AFAP1L2: variants seen among roughly 807,000 people sequenced by gnomAD.
AFAP1L2 encodes the protein actin filament-associated protein 1-like 2.
A neutral mutation model predicts 99.3 loss-of-function variants in AFAP1L2; 46 were observed. The observed-to-expected ratio is 0.46, with a 90% CI of 0.37 to 0.59. The LOEUF is 0.59. AFAP1L2 is among the 20% of genes least tolerant of loss of function. AFAP1L2 has a pLI of 0.00. For missense variants in AFAP1L2, 959 were observed against 1,034.9 expected (o/e 0.93, Z 1.01); for synonymous variants, 397 against 419.1 (o/e 0.95, Z 0.64).
chr10:114,342,459 A>G (rs10885555), intron 1 of AFAP1L2, among the ~76,000 whole-genome samples: 107,460 of 152,166 alleles, frequency 0.71, 40,308 homozygotes, highest in East Asian at 0.87. Flanking sequence ...CTAACCCCTC[A>G]AATCTGTGAA....
intron 16 of AFAP1L2, 59 bp from the exon 17 acceptor site, chr10:114,297,472 C>G (rs1274368032): frequency 2.6e-5 from 40 of 1,556,234 alleles, no homozygotes; most frequent in Non-Finnish European, 3.3e-5. Context: ...CCAGGGAGCC[C>G]TGCTGGGTGG....
chr10:114,310,684 C>T (rs893982488), intron 7 of AFAP1L2, among the ~76,000 whole-genome samples: 3 of 152,224 alleles, frequency 2.0e-5, no homozygotes, highest in Non-Finnish European at 4.4e-5. Flanking sequence ...AGGTCCCACA[C>T]GTTCATGGGC....
chr10:114,301,694 T>C (rs775917533), intron 12 of AFAP1L2: 2 of 561,766 alleles, frequency 3.6e-6, no homozygotes, highest in Non-Finnish European at 6.4e-6. Flanking sequence ...AAGACAAGCT[T>C]CCCTTGCCCA....
intron 4 of AFAP1L2, among the ~76,000 whole-genome samples, chr10:114,330,302 T>C (rs10885551): frequency 0.59 from 88,773 of 151,650 alleles, 30,720 homozygotes; most frequent in East Asian, 0.92. Context: ...TGACGGTCAG[T>C]TGGCAGGAGC....
intron 1 of AFAP1L2, among the ~76,000 whole-genome samples, chr10:114,378,809 T>G (rs921744055): frequency 6.6e-6 from 1 of 152,174 alleles, no homozygotes; most frequent in African/African-American, 2.4e-5. Flanking sequence ...ATGCACCAGA[T>G]AGAGAAGTGA....
intron 5 of AFAP1L2, among the ~76,000 whole-genome samples, chr10:114,321,055 G>T (rs926063598): frequency 3.3e-5 from 5 of 152,210 alleles, no homozygotes; most frequent in Non-Finnish European, 7.3e-5. Flanking sequence ...TGGCAGGTAA[G>T]TGTGAAGGAA....
intron 10 of AFAP1L2, among the ~76,000 whole-genome samples, chr10:114,307,522 T>C (rs1335156494): frequency 6.6e-6 from 1 of 151,780 alleles, no homozygotes; most frequent in Non-Finnish European, 1.5e-5. Flanking sequence ...CCTGTAAATA[T>C]AGATCAAATG....
chr10:114,281,465 A>G, the AFAP1L2 span, among the ~76,000 whole-genome samples: 2 of 152,314 alleles, frequency 1.3e-5, no homozygotes, highest in South Asian at 2.1e-4. Context: ...GAGCCCTCAG[A>G]ACCCATTTCC....
chr10:114,290,208 C>A, downstream of AFAP1L2: 3 of 1,549,130 alleles, frequency 1.9e-6, no homozygotes, highest in Non-Finnish European at 2.6e-6. Flanking sequence ...CATGCCTGGC[C>A]GGCCTGGTGG....
chr10:114,371,701 C>T (rs2054129345), intron 1 of AFAP1L2, among the ~76,000 whole-genome samples: 2 of 151,938 alleles, frequency 1.3e-5, no homozygotes, highest in African/African-American at 2.4e-5. Context: ...AGGAGAAATA[C>T]CTAATGCAGA....
At chr10:114,290,189 G>A (rs886683393), downstream of AFAP1L2, 3 of 1,546,304 alleles carry the variant, frequency 1.9e-6, no homozygotes, top group Non-Finnish European at 2.6e-6. Context: ...GGGGTCTTCG[G>A]GTCTAACCCA....
At chr10:114,350,703 GCT>G (rs1468788928) in intron 1 of AFAP1L2, among the ~76,000 whole-genome samples, 1 of 152,176 alleles carries the variant, frequency 6.6e-6, no homozygotes, top group Non-Finnish European at 1.5e-5. Context: ...CTTGGATGGT[GCT>G]CTGATGGGAG....
chr10:114,365,328 G>A (rs2053063353), intron 1 of AFAP1L2, among the ~76,000 whole-genome samples: 1 of 152,136 alleles, frequency 6.6e-6, no homozygotes, highest in African/African-American at 2.4e-5. Context: ...TGTTATTCTT[G>A]GTGATCCCTG....
chr10:114,392,337 C>A (rs987316869), intron 1 of AFAP1L2, among the ~76,000 whole-genome samples: 2 of 152,144 alleles, frequency 1.3e-5, no homozygotes, highest in African/African-American at 4.8e-5. Context: ...TGCAGTCAGC[C>A]ATGACAGTGC....
In AFAP1L2 at chr10:114,377,748, CTG is replaced by C. The variant is rs1179272956; in HGVS notation, c.16+26690_16+26691del. On this transcript the variant is annotated intron_variant, in intron 1 of 18. Coordinates refer to ENST00000304129, the MANE Select transcript of AFAP1L2 (RefSeq NM_001001936.3). This position sits in a 1 kb window ranked among gnomAD's most constrained non-coding sequence, Gnocchi z 4.0. The stretch of plus-strand genomic sequence containing the variant: ...CCTTAATTTCAACTCAGCAAGGTAT[CTG>C]TGAACCAAGTGCTGAGAAACACAGA... 1.3e-5 allele frequency among the ~76,000 whole-genome samples: 2 copies of C among 152,232 alleles called. No homozygotes were observed. The highest frequency in any genetic ancestry group is 2.9e-5 in the Non-Finnish European group (2 of 68,032).
Position 114,333,127 on chromosome 10 carries a change from C to T in AFAP1L2, c.220+94G>A. The stretch of plus-strand genomic sequence containing the variant: ...TCCGCCAGGCGGGTCTGTGTGCCGG[C>T]TGGGAGGAAAGAGAGGTGGGACAGA... On this transcript the variant is annotated intron_variant, in intron 3 of 18. Coordinates refer to ENST00000304129, the MANE Select transcript of AFAP1L2 (RefSeq NM_001001936.3). The T allele has an allele frequency of 9.3e-6, 11 of 1,183,400 alleles. No individual in the cohort carries two copies. In the South Asian group the frequency reaches 1.3e-4, roughly 14 times the overall value. 73.3% of individuals were successfully genotyped at this position (1,183,400 alleles called of 1,614,324 possible).
At chr10:114,305,900 G>A (rs1429665716) in intron 10 of AFAP1L2, among the ~76,000 whole-genome samples, 7 of 95,370 alleles carry the variant, frequency 7.3e-5, no homozygotes, top group Admixed American at 1.1e-4. Context: ...GGGGACGCGG[G>A]TGCAGGAGGG....
intron 1 of AFAP1L2, among the ~76,000 whole-genome samples, chr10:114,402,619 G>C (rs189117466): frequency 3.3e-5 from 5 of 152,248 alleles, no homozygotes; most frequent in Non-Finnish European, 5.9e-5. Flanking sequence ...CCCTTCAGTT[G>C]GCAAAAACTG....
chr10:114,365,016 G>A (rs1367528332), intron 1 of AFAP1L2, among the ~76,000 whole-genome samples: 1 of 152,214 alleles, frequency 6.6e-6, no homozygotes, highest in East Asian at 1.9e-4. Context: ...GAGTCCGGGG[G>A]CATAAATGTG....
Sources: allele counts gnomAD v4.1 joint callset (sites outside exome capture counted in the v4.1 genomes callset), GRCh38; gene constraint gnomAD v4.1.1; non-coding constraint Gnocchi (gnomAD v3.1); transcripts MANE v1.5; gene names NCBI Gene and HGNC (gene_info 2026-07-23, HGNC 2026-07-21).